TMEM117: variants seen among roughly 807,000 people sequenced by gnomAD.
TMEM117 encodes the protein transmembrane protein 117.
Under a neutral mutation model 52.4 loss-of-function variants are expected in TMEM117, and 27 were observed. That is an observed-to-expected ratio of 0.51 (90% CI 0.38 to 0.71). The LOEUF is 0.71. TMEM117 is among the 30% of genes least tolerant of loss of function. The probability of loss-of-function intolerance (pLI) is 0.00; values close to 1 mark genes in which losing one functional copy is unlikely to be tolerated. For synonymous variants in TMEM117, 215 were observed against 206.3 expected (o/e 1.04, Z -0.36); for missense variants, 556 against 630.5 (o/e 0.88, Z 1.26).
At chr12:44,195,827 A>G (rs1485016023) in intron 4 of TMEM117, among the ~76,000 whole-genome samples, 1 of 151,928 alleles carries the variant, frequency 6.6e-6, no homozygotes, top group Non-Finnish European at 1.5e-5. Flanking sequence ...GCCAAGGCAG[A>G]AGGATCACTT....
In TMEM117 at chr12:44,299,799, A is replaced by G. The variant is rs1950816741; in HGVS notation, c.768+60A>G. Reference sequence around the variant, plus strand: ...GCATGCTCTGTTCCCAGTATAACAAACAGGATATGGCAACAGGCTCCATAA... The same window carrying G: ...GCATGCTCTGTTCCCAGTATAACAAGCAGGATATGGCAACAGGCTCCATAA... On this transcript the variant is annotated intron_variant, in intron 6 of 7. Coordinates refer to ENST00000266534, the MANE Select transcript of TMEM117 (RefSeq NM_032256.3). The G allele has an allele frequency of 3.2e-6, 5 of 1,585,792 alleles. No individual in the cohort carries two copies. In the Admixed American group the frequency reaches 5.2e-5, roughly 16 times the overall value.
At chr12:44,107,778 A>G (rs1409415154) in intron 3 of TMEM117, among the ~76,000 whole-genome samples, 1 of 152,176 alleles carries the variant, frequency 6.6e-6, no homozygotes, top group African/African-American at 2.4e-5. Flanking sequence ...TCAACTTTTC[A>G]GAAAGCAACT....
the TMEM117 span, among the ~76,000 whole-genome samples, chr12:43,808,812 GAAAAAAAAAAAAA>G: frequency 3.7e-5 from 3 of 80,820 alleles, no homozygotes; most frequent in African/African-American, 1.3e-4. Flanking sequence ...TCAAAGGGGA[GAAAAAAAAAAAAA>G]AAAAAAAAAA....
intron 3 of TMEM117, among the ~76,000 whole-genome samples, chr12:44,115,343 GAT>G (rs1948121840): frequency 6.6e-6 from 1 of 152,106 alleles, no homozygotes; most frequent in African/African-American, 2.4e-5. Flanking sequence ...AGCATTAGGA[GAT>G]ATACCTGATG....
At chr12:43,957,400 G>A (rs183611917) in intron 3 of TMEM117, among the ~76,000 whole-genome samples, 300 of 152,256 alleles carry the variant, frequency 2.0e-3, no homozygotes, top group Non-Finnish European at 3.4e-3. Flanking sequence ...AGTAATCACA[G>A]TTGAACTTTT....
chr12:44,359,811 A>G (rs1176285908), intron 6 of TMEM117, among the ~76,000 whole-genome samples: 1 of 152,148 alleles, frequency 6.6e-6, no homozygotes, highest in African/African-American at 2.4e-5. Context: ...AAAACCAACT[A>G]TATTTACACG....
At chr12:44,083,270 ATAC>A (rs1328516396) in intron 3 of TMEM117, among the ~76,000 whole-genome samples, 1 of 152,114 alleles carries the variant, frequency 6.6e-6, no homozygotes. Flanking sequence ...CATAAATAAC[ATAC>A]TAAATTATCA....
At chr12:44,024,360 T>A (rs530610162) in intron 3 of TMEM117, among the ~76,000 whole-genome samples, 2 of 152,258 alleles carry the variant, frequency 1.3e-5, no homozygotes, top group East Asian at 3.9e-4. Context: ...GAGTGCTGTA[T>A]GGGCAGATAT....
intron 3 of TMEM117, among the ~76,000 whole-genome samples, chr12:43,957,323 T>C (rs1945325414): frequency 6.6e-6 from 1 of 151,788 alleles, no homozygotes; most frequent in South Asian, 2.1e-4. Context: ...GAAAAAGCTA[T>C]AAAAAAGGCA....
chr12:44,001,670 C>CG (rs1353318418), intron 3 of TMEM117, among the ~76,000 whole-genome samples: 1 of 151,630 alleles, frequency 6.6e-6, no homozygotes, highest in Admixed American at 6.6e-5. Flanking sequence ...GGTTCAGCAT[C>CG]TAGTATATGT....
intron 3 of TMEM117, among the ~76,000 whole-genome samples, chr12:43,968,521 T>G (rs1434160100): frequency 6.6e-6 from 1 of 152,226 alleles, no homozygotes; most frequent in Non-Finnish European, 1.5e-5. Flanking sequence ...AAAAAATAAT[T>G]GGCAGGTAAC....
chr12:43,932,035 T>G (rs1325597756), intron 2 of TMEM117, among the ~76,000 whole-genome samples: 3 of 152,198 alleles, frequency 2.0e-5, no homozygotes. Flanking sequence ...TCTAGCCCTT[T>G]TGATGTGCAT....
chr12:43,967,165 C>T (rs1034756217), intron 3 of TMEM117, among the ~76,000 whole-genome samples: 3 of 148,302 alleles, frequency 2.0e-5, no homozygotes, highest in African/African-American at 7.5e-5. Flanking sequence ...GTCATTCTGT[C>T]ACCCAGTTTG....
the TMEM117 span, among the ~76,000 whole-genome samples, chr12:43,818,433 G>GT: frequency 9.0e-3 from 1,273 of 140,948 alleles, 2 homozygotes; most frequent in Middle Eastern, 0.018. Flanking sequence ...TTTTTTTTGT[G>GT]TTTTTTTTTT....
At chr12:44,140,154 G>T (rs1948551059) in intron 3 of TMEM117, among the ~76,000 whole-genome samples, 1 of 152,172 alleles carries the variant, frequency 6.6e-6, no homozygotes, top group Admixed American at 6.5e-5. Flanking sequence ...ACAGCCACAG[G>T]CAAGGATACT....
intron 3 of TMEM117, among the ~76,000 whole-genome samples, chr12:44,010,942 A>C (rs142937047): frequency 2.0e-5 from 3 of 152,318 alleles, no homozygotes; most frequent in African/African-American, 7.2e-5. Context: ...CAGAAACAAA[A>C]GTCTTTATTT....
chr12:44,360,176 T>A (rs775867115), intron 6 of TMEM117, among the ~76,000 whole-genome samples: 1 of 152,158 alleles, frequency 6.6e-6, no homozygotes, highest in Non-Finnish European at 1.5e-5. Context: ...AATATAATTG[T>A]AAATTTTTCT....
At chr12:44,392,485 C>T (rs1952165380), downstream of TMEM117, among the ~76,000 whole-genome samples, 1 of 151,896 alleles carries the variant, frequency 6.6e-6, no homozygotes, top group South Asian at 2.1e-4. Flanking sequence ...ACATAAAAGG[C>T]TGGTTGGTTG....
intron 7 of TMEM117, among the ~76,000 whole-genome samples, chr12:44,382,584 A>C (rs1168703954): frequency 1.3e-5 from 2 of 152,184 alleles, no homozygotes; most frequent in Non-Finnish European, 2.9e-5. Context: ...ATCTCAAGAA[A>C]GTCATAGTTT....
Sources: gnomAD v4.1 joint callset for allele counts (sites outside exome capture counted in the v4.1 genomes callset) on GRCh38, gnomAD v4.1.1 for gene constraint, MANE v1.5 for transcripts, NCBI Gene and HGNC (gene_info 2026-07-23, HGNC 2026-07-21) for gene names.